TMF1: variants seen among roughly 807,000 people sequenced by gnomAD.
TMF1 encodes the protein TATA element modulatory factor.
TMF1 carries 71 observed loss-of-function variants against 126.5 expected under a neutral mutation model. The observed-to-expected ratio is 0.56, with a 90% CI of 0.46 to 0.68. TMF1 has a LOEUF of 0.68. Among genes scored for constraint, TMF1 ranks in the 30% least tolerant of loss-of-function variants. The pLI is 0.00. For synonymous variants in TMF1, 461 were observed against 430.5 expected, an observed-to-expected ratio of 1.07 and a Z score of -0.88; for missense variants, 1,259 against 1,253.2, an observed-to-expected ratio of 1.00 and a Z score of -0.07.
At chr3:69,031,417 T>TACACAC (rs34091520) in intron 10 of TMF1, among the ~76,000 whole-genome samples, 1 of 150,618 alleles carries the variant, frequency 6.6e-6, no homozygotes, top group Non-Finnish European at 1.5e-5. Flanking sequence ...TAGAACTTAA[T>TACACAC]ACACACACAC....
At chr3:69,032,730 C>A (rs946212156) in intron 10 of TMF1, among the ~76,000 whole-genome samples, 1 of 151,910 alleles carries the variant, frequency 6.6e-6, no homozygotes, top group Admixed American at 6.6e-5. Context: ...TTGCCTCAGC[C>A]TCCCAAATAG....
chr3:69,043,265 G>T (rs770709960), intron 4 of TMF1, among the ~76,000 whole-genome samples: 13 of 152,060 alleles, frequency 8.5e-5, no homozygotes, highest in Non-Finnish European at 1.5e-4. Context: ...AACCTCCCAG[G>T]CTCAGGTGAT....
At chr3:69,046,223 A>G (rs1472410962) in intron 2 of TMF1, among the ~76,000 whole-genome samples, 2 of 152,180 alleles carry the variant, frequency 1.3e-5, no homozygotes, top group South Asian at 4.1e-4. Context: ...TGGAATGTCT[A>G]ATTCCTTAGG....
chr3:69,031,042 A>G (rs2091799124), intron 10 of TMF1, among the ~76,000 whole-genome samples: 1 of 152,202 alleles, frequency 6.6e-6, no homozygotes, highest in Non-Finnish European at 1.5e-5. Context: ...GGTACATACT[A>G]TGGAATAACA....
At chr3:69,034,485 T>TTAAA (rs951878650) in intron 9 of TMF1, among the ~76,000 whole-genome samples, 6 of 151,864 alleles carry the variant, frequency 4.0e-5, no homozygotes, top group Non-Finnish European at 8.8e-5. Flanking sequence ...AATAAAGAAA[T>TTAAA]TAAATAAATA....
At chr3:69,025,236 G>C (rs756210733) in intron 15 of TMF1, 5 of 203,874 alleles carry the variant, frequency 2.5e-5, no homozygotes, top group Non-Finnish European at 4.9e-5. Context: ...CTTGAAAGGA[G>C]GAGGGATTCT....
At chr3:69,045,047 G>C (rs1011786528) in intron 2 of TMF1, among the ~76,000 whole-genome samples, 6 of 152,214 alleles carry the variant, frequency 3.9e-5, no homozygotes, top group African/African-American at 1.4e-4. Flanking sequence ...AGAGGTCAAA[G>C]AGGAAATTTA....
At chr3:69,039,726 A>G in intron 5 of TMF1, 33 bp from the exon 6 acceptor site, 4 of 1,583,100 alleles carry the variant, frequency 2.5e-6, no homozygotes, top group Non-Finnish European at 3.4e-6. Context: ...AACTCAAATG[A>G]TAACTATTCC....
intron 5 of TMF1, among the ~76,000 whole-genome samples, chr3:69,041,615 T>A (rs1287426564): frequency 6.6e-6 from 1 of 152,138 alleles, no homozygotes; most frequent in Non-Finnish European, 1.5e-5. Flanking sequence ...GGTATACCCA[T>A]ATAATGGACT....
In TMF1 at chr3:69,021,605, A is replaced by C. The variant is rs1229197613; in HGVS notation, c.*1572T>G. On this transcript the variant is annotated 3_prime_UTR_variant, in exon 17 of 17. Coordinates refer to ENST00000398559, the MANE Select transcript of TMF1 (RefSeq NM_007114.3). Reference sequence around the variant, plus strand: ...ATTTGAATTGCCCTGAAAAACTCCAAATTCTTCAAGATGGTGTACTTGTAT... The same window carrying C: ...ATTTGAATTGCCCTGAAAAACTCCACATTCTTCAAGATGGTGTACTTGTAT... 1 of 152,184 alleles carries C rather than the reference A, an allele frequency of 6.6e-6. No individual in the cohort carries two copies. The highest frequency in any genetic ancestry group is 1.5e-5 in the Non-Finnish European group (1 of 68,008). 9.4% of individuals were successfully genotyped at this position (152,184 alleles called of 1,614,324 possible). A position where few individuals can be genotyped will look rare whatever the true frequency, so the allele number is the denominator to read the frequency against.
In TMF1 at chr3:69,020,054, A is replaced by G. The variant is rs1284702627; in HGVS notation, c.*3123T>C. On this transcript the variant is annotated 3_prime_UTR_variant, in exon 17 of 17. Transcript: ENST00000398559. ...TAGAACATAAATGTATACGTACTAA[A>G]CATACAGTATTAAAACAAGATAAAA... 1 of 152,142 alleles carries G rather than the reference A, an allele frequency of 6.6e-6. No individual in the cohort carries two copies. Among genetic ancestry groups the G allele is most frequent in the East Asian group, 1.9e-4 (1 of 5,202 alleles). 9.4% of individuals were successfully genotyped at this position (152,142 alleles called of 1,614,324 possible). A position where few individuals can be genotyped will look rare whatever the true frequency, so the allele number is the denominator to read the frequency against.
intron 4 of TMF1, among the ~76,000 whole-genome samples, chr3:69,043,156 T>C (rs2107466963): frequency 6.6e-6 from 1 of 152,120 alleles, no homozygotes; most frequent in East Asian, 1.9e-4. Context: ...TGAGAATAAA[T>C]TAACTTTCCT....
At position 69,022,621 on chromosome 3, in the gene TMF1, T is replaced by C. The variant is rs567353651; in HGVS notation, c.*556A>G. 1 of 152,646 alleles carries C rather than the reference T, an allele frequency of 6.6e-6. No homozygotes were observed. Among genetic ancestry groups the C allele is most frequent in the South Asian group, 2.1e-4 (1 of 4,828 alleles). 9.5% of individuals were successfully genotyped at this position (152,646 alleles called of 1,614,324 possible). A position where few individuals can be genotyped will look rare whatever the true frequency, so the allele number is the denominator to read the frequency against. ...CTCTTTAAATTTCAGACAGTGTCAG[T>C]GTGACTCTTACTTTTAAAGGAAAAA... On this transcript the variant is annotated 3_prime_UTR_variant, in exon 17 of 17. Coordinates refer to ENST00000398559, the MANE Select transcript of TMF1 (RefSeq NM_007114.3).
chr3:69,042,243 G>A (rs960649048), intron 5 of TMF1: 41 of 425,112 alleles, frequency 9.6e-5, no homozygotes, highest in African/African-American at 8.4e-4. Context: ...TCACCATGTT[G>A]GCCAGGCTTG....
In TMF1 at chr3:69,037,088, G is replaced by A. The variant is rs117855021; in HGVS notation, c.2151+1476C>T. On this transcript the variant is annotated intron_variant, in intron 8 of 16. Coordinates refer to ENST00000398559, the MANE Select transcript of TMF1 (RefSeq NM_007114.3). ...CATAATAACAATAAAAAGACAAACC[G>A]CCCAATTTAAAAATGTGCAAAGGAT... Among the ~76,000 whole-genome samples the A allele has an allele frequency of 2.7e-3, 403 of 151,724 alleles. 10 individuals carry two copies. The highest frequency in any genetic ancestry group is 0.019 in the East Asian group (96 of 5,166).
intron 10 of TMF1, among the ~76,000 whole-genome samples, chr3:69,033,097 T>G (rs1371177939): frequency 6.6e-6 from 1 of 150,600 alleles, no homozygotes; most frequent in African/African-American, 2.4e-5. Context: ...AAAAATCGAG[T>G]GCAGCAGTCT....
intron 6 of TMF1, 54 bp downstream of exon 6, chr3:69,039,497 T>C (rs934000158): frequency 3.2e-6 from 5 of 1,564,504 alleles, no homozygotes; most frequent in Non-Finnish European, 4.3e-6. Context: ...TGGCCAACTG[T>C]TCATACAGGA....
chr3:69,026,387 G>A (rs1478195967), intron 13 of TMF1, among the ~76,000 whole-genome samples: 1 of 152,114 alleles, frequency 6.6e-6, no homozygotes, highest in Non-Finnish European at 1.5e-5. Context: ...ACCTGAGGTT[G>A]GGAGATCAAG....
chr3:69,023,029 CAT>C lies in TMF1; in HGVS notation c.*146_*147del. On this transcript the variant is annotated 3_prime_UTR_variant, in exon 17 of 17. Coordinates refer to ENST00000398559, the MANE Select transcript of TMF1 (RefSeq NM_007114.3). Reference sequence around the variant, plus strand: ...AATAATTTAACTGTAAATATTACTACATAGTGTAAAACAATTTTAAAAAAATT... The same window carrying C: ...AATAATTTAACTGTAAATATTACTACAGTGTAAAACAATTTTAAAAAAATT... The C allele has an allele frequency of 1.7e-6, 1 of 573,190 alleles. No homozygotes were observed. Among genetic ancestry groups the C allele is most frequent in the Non-Finnish European group, 2.9e-6 (1 of 340,448 alleles). 35.5% of individuals were successfully genotyped at this position (573,190 alleles called of 1,614,324 possible). A position where few individuals can be genotyped will look rare whatever the true frequency, so the allele number is the denominator to read the frequency against.
Sources: gnomAD v4.1 joint callset for allele counts (sites outside exome capture counted in the v4.1 genomes callset) on GRCh38, gnomAD v4.1.1 for gene constraint, MANE v1.5 for transcripts, NCBI Gene and HGNC (gene_info 2026-07-23, HGNC 2026-07-21) for gene names.